Variants in GLRA3 observed in about 807,000 individuals in gnomAD.
GLRA3 encodes the protein glycine receptor alpha 3, also known as glycine receptor subunit alpha-3.
A neutral mutation model predicts 60.4 loss-of-function variants in GLRA3; 44 were observed. That is an observed-to-expected ratio of 0.73 (90% CI 0.57 to 0.94). GLRA3 has a LOEUF of 0.94. GLRA3 is among the 40% of genes least tolerant of loss of function. The pLI is 0.00. For synonymous variants in GLRA3, 223 were observed against 192.9 expected (o/e 1.16, Z -1.29); for missense variants, 508 against 564.6 (o/e 0.90, Z 1.02).
At chr4:174,693,516 T>C (rs1734939644) in intron 5 of GLRA3, among the ~76,000 whole-genome samples, 1 of 152,168 alleles carries the variant, frequency 6.6e-6, no homozygotes, top group South Asian at 2.1e-4. Context: ...AGTTGGTCTA[T>C]ATGTCTGTTT....
chr4:174,648,903 G>C (rs1732932153), intron 9 of GLRA3, among the ~76,000 whole-genome samples: 1 of 152,158 alleles, frequency 6.6e-6, no homozygotes, highest in Non-Finnish European at 1.5e-5. Flanking sequence ...GCAGATTATT[G>C]CCTGCTGGGA....
At chr4:174,818,097 C>T (rs1429190557) in intron 1 of GLRA3, among the ~76,000 whole-genome samples, 1 of 152,124 alleles carries the variant, frequency 6.6e-6, no homozygotes, top group African/African-American at 2.4e-5. Context: ...AAAAGTCACT[C>T]AGTTCTTCAA....
At chr4:174,778,933 A>G (rs921803885) in intron 2 of GLRA3, among the ~76,000 whole-genome samples, 72 of 152,240 alleles carry the variant, frequency 4.7e-4, no homozygotes, top group Admixed American at 1.7e-3. Context: ...TAGGTAAACA[A>G]AGCAGCCGGG....
chr4:174,659,267 G>A, intron 7 of GLRA3, 70 bp from the exon 8 acceptor site: 1 of 1,149,536 alleles, frequency 8.7e-7, no homozygotes, highest in Middle Eastern at 2.0e-4. Context: ...ACAAAACTGA[G>A]TTTTTCTGAT....
chr4:174,814,864 C>T (rs747262071), intron 1 of GLRA3, among the ~76,000 whole-genome samples: 6 of 152,126 alleles, frequency 3.9e-5, no homozygotes, highest in Non-Finnish European at 8.8e-5. Flanking sequence ...ATTCCATCCC[C>T]AACCTCATCC....
intron 1 of GLRA3, among the ~76,000 whole-genome samples, chr4:174,791,003 C>CA (rs34671364): frequency 0.16 from 17,588 of 108,072 alleles, 1,486 homozygotes; most frequent in East Asian, 0.45. Flanking sequence ...GACTCCATCT[C>CA]AAAAAAAAAA....
intron 1 of GLRA3, among the ~76,000 whole-genome samples, chr4:174,801,860 C>A (rs1739824885): frequency 6.6e-6 from 1 of 151,992 alleles, no homozygotes; most frequent in Non-Finnish European, 1.5e-5. Flanking sequence ...TCCTTGGTAG[C>A]ACTTGTTGCA....
At chr4:174,740,084 T>G (rs1017713600) in intron 3 of GLRA3, among the ~76,000 whole-genome samples, 10 of 152,214 alleles carry the variant, frequency 6.6e-5, no homozygotes, top group Non-Finnish European at 1.3e-4. Context: ...AAGATCCACC[T>G]TTTGGGAACC....
chr4:174,640,173 A>G lies in GLRA3; in HGVS notation c.*3613T>C, dbSNP rs979362840. 3.3e-5 allele frequency: 5 copies of G among 152,200 alleles called. No homozygotes were observed. Among genetic ancestry groups the G allele is most frequent in the African/African-American group, 1.2e-4 (5 of 41,558 alleles). The allele number at this position is 152,200 out of a possible 1,614,324, so 9.4% of individuals were successfully genotyped here. On this transcript the variant is annotated 3_prime_UTR_variant, in exon 10 of 10. Transcript: ENST00000274093. ...CACTTTTGGAGTAGAAGATATCATG[A>G]CCTCAAGGATTGTTAATGATATCTG...
At chr4:174,729,438 T>C (rs373651043) in intron 3 of GLRA3, among the ~76,000 whole-genome samples, 2 of 152,208 alleles carry the variant, frequency 1.3e-5, no homozygotes, top group East Asian at 1.9e-4. Flanking sequence ...GCTGATTTTA[T>C]AATAATGAAA....
At chr4:174,699,358 C>T (rs979920723) in intron 5 of GLRA3, among the ~76,000 whole-genome samples, 1 of 152,110 alleles carries the variant, frequency 6.6e-6, no homozygotes, top group Non-Finnish European at 1.5e-5. Flanking sequence ...TACTGCCAGA[C>T]AAGGCAAAAG....
Position 174,677,044 on chromosome 4 carries a change from T to C in GLRA3, c.927+34A>G. 3.2e-6 allele frequency: 4 copies of C among 1,252,490 alleles called. No homozygotes were observed. The South Asian group carries it at 3.6e-5, about 11-fold the overall frequency. The allele number at this position is 1,252,490 out of a possible 1,614,324, so 77.6% of individuals were successfully genotyped here. A position where few individuals can be genotyped will look rare whatever the true frequency, so the allele number is the denominator to read the frequency against. ...TCTTTGCAAGATTTATAAGTGTGTG[T>C]GCAAAGATGTGCATGCTCATTCAGT... On this transcript the variant is annotated intron_variant, in intron 7 of 9. Transcript: ENST00000274093.
intron 3 of GLRA3, among the ~76,000 whole-genome samples, chr4:174,733,650 C>T (rs764486112): frequency 3.3e-5 from 5 of 152,130 alleles, no homozygotes; most frequent in Non-Finnish European, 5.9e-5. Flanking sequence ...ACGAGGCAAC[C>T]TTAAATAAAC....
At chr4:174,646,929 A>T (rs1468561397) in intron 9 of GLRA3, among the ~76,000 whole-genome samples, 2 of 152,190 alleles carry the variant, frequency 1.3e-5, no homozygotes, top group Non-Finnish European at 2.9e-5. Context: ...TCTGAGGAGA[A>T]TCTGATGCTG....
At chr4:174,670,802 G>T (rs1298427566) in intron 7 of GLRA3, among the ~76,000 whole-genome samples, 1 of 151,862 alleles carries the variant, frequency 6.6e-6, no homozygotes, top group African/African-American at 2.4e-5. Context: ...TAGTAAAGGA[G>T]GTCCTAAGAT....
intron 3 of GLRA3, among the ~76,000 whole-genome samples, chr4:174,756,649 C>CTTTT (rs36089597): frequency 8.4e-5 from 12 of 142,528 alleles, no homozygotes; most frequent in South Asian, 2.2e-4. Context: ...TCTTTTTTTT[C>CTTTT]TTTTTTTTTT....
At chr4:174,679,417 A>T (rs2110963018) in intron 6 of GLRA3, among the ~76,000 whole-genome samples, 1 of 152,304 alleles carries the variant, frequency 6.6e-6, no homozygotes. Flanking sequence ...GCTGATGAGG[A>T]AGCAGAGAAA....
intron 2 of GLRA3, among the ~76,000 whole-genome samples, chr4:174,788,006 C>A (rs926564248): frequency 9.2e-5 from 14 of 151,934 alleles, no homozygotes; most frequent in African/African-American, 1.7e-4. Context: ...ATAGACAACA[C>A]TTTTTTAAAC....
At chr4:174,674,934 G>C (rs1734056430) in intron 7 of GLRA3, among the ~76,000 whole-genome samples, 2 of 152,092 alleles carry the variant, frequency 1.3e-5, no homozygotes, top group South Asian at 4.1e-4. Context: ...CTTTTAAAGA[G>C]ATTTTCTACT....
Sources: allele counts gnomAD v4.1 joint callset (sites outside exome capture counted in the v4.1 genomes callset), GRCh38; gene constraint gnomAD v4.1.1; transcripts MANE v1.5; gene names NCBI Gene and HGNC (gene_info 2026-07-23, HGNC 2026-07-21).